CENPP: variants seen among roughly 807,000 people sequenced by gnomAD.
The protein encoded by CENPP is centromere protein P.
Under a neutral mutation model 35.6 loss-of-function variants are expected in CENPP, and 24 were observed. The observed-to-expected ratio is 0.67, with a 90% CI of 0.49 to 0.95. CENPP has a LOEUF of 0.95. CENPP is among the 40% of genes least tolerant of loss of function. The pLI is 0.00. For synonymous variants in CENPP, 120 were observed against 125.5 expected, an observed-to-expected ratio of 0.96 and a Z score of 0.29; for missense variants, 332 against 345.3, an observed-to-expected ratio of 0.96 and a Z score of 0.31.
chr9:92,455,593 C>T (rs1844850023), intron 5 of CENPP, among the ~76,000 whole-genome samples: 1 of 152,060 alleles, frequency 6.6e-6, no homozygotes, highest in Admixed American at 6.6e-5. Context: ...CCATTCTTAA[C>T]CTCGAAATCC....
At chr9:92,479,746 GTTGC>G (rs544121863) in intron 5 of CENPP, among the ~76,000 whole-genome samples, 116 of 152,262 alleles carry the variant, frequency 7.6e-4, no homozygotes, top group African/African-American at 2.8e-3. Context: ...GTGTATCCTG[GTTGC>G]TTGCAAAGAA....
At chr9:92,407,065 A>G (rs1299716841) in intron 5 of CENPP, among the ~76,000 whole-genome samples, 1 of 152,218 alleles carries the variant, frequency 6.6e-6, no homozygotes, top group East Asian at 1.9e-4. Flanking sequence ...GGCAGTGTCT[A>G]GAAGGCTCCA....
chr9:92,552,190 T>TATATGTGATATGATAGATCTATCATATAC (rs149273612), intron 5 of CENPP, among the ~76,000 whole-genome samples: 5 of 106,436 alleles, frequency 4.7e-5, no homozygotes, highest in African/African-American at 2.0e-4. Context: ...ATCTATCATA[T>TATATGTGATATGATAGATCTATCATATAC]ACACACACAC....
chr9:92,389,730 G>A (rs1842590597), intron 5 of CENPP: 2 of 641,388 alleles, frequency 3.1e-6, no homozygotes, highest in Admixed American at 3.2e-5. Flanking sequence ...TGTAAATAAT[G>A]TCTTCATTTA....
At chr9:92,579,616 G>C (rs938096023) in intron 5 of CENPP, among the ~76,000 whole-genome samples, 1 of 151,258 alleles carries the variant, frequency 6.6e-6, no homozygotes, top group Non-Finnish European at 1.5e-5. Flanking sequence ...TGTTATTGGT[G>C]TATAAGAATG....
chr9:92,575,655 T>C (rs554538220), intron 5 of CENPP, among the ~76,000 whole-genome samples: 2 of 152,190 alleles, frequency 1.3e-5, no homozygotes, highest in African/African-American at 4.8e-5. Flanking sequence ...CTACTGAAAG[T>C]ACAAAAATTA....
intron 5 of CENPP, among the ~76,000 whole-genome samples, chr9:92,544,983 C>A (rs1849400519): frequency 6.6e-6 from 1 of 152,182 alleles, no homozygotes; most frequent in Non-Finnish European, 1.5e-5. Context: ...CAGCCCGCTC[C>A]AGAGTGCTGG....
chr9:92,551,948 TATATG>T lies in CENPP; in HGVS notation c.565-59361_565-59357del, dbSNP rs1172068973. 3.1e-3 allele frequency among the ~76,000 whole-genome samples: 392 copies of T among 127,674 alleles called. 52 individuals are homozygous for T. The highest frequency in any genetic ancestry group is 0.012 in the African/African-American group (328 of 28,364). The allele number at this position is 127,674 out of a possible 152,430, so 83.8% of individuals were successfully genotyped here. A position where few individuals can be genotyped will look rare whatever the true frequency, so the allele number is the denominator to read the frequency against. ...GTGTATATATATATATATATATATA[TATATG>T]ATATATATATGTGTGATATATATGT... On this transcript the variant is annotated intron_variant, in intron 5 of 7. Transcript: ENST00000375587.
chr9:92,496,470 C>G, intron 5 of CENPP: 1 of 1,609,152 alleles, frequency 6.2e-7, no homozygotes, highest in Non-Finnish European at 8.5e-7. Flanking sequence ...CAAATTTCTT[C>G]TGGAAGAATG....
intron 2 of CENPP, among the ~76,000 whole-genome samples, chr9:92,334,699 G>T (rs1461715459): frequency 6.6e-6 from 1 of 151,996 alleles, no homozygotes; most frequent in African/African-American, 2.4e-5. Context: ...GGCTAACATG[G>T]TAAAACCCCA....
Position 92,456,993 on chromosome 9 carries a change from G to A in CENPP, c.564+77134G>A, listed in dbSNP as rs190218000. The A allele has an allele frequency of 7.4e-4, 836 of 1,124,846 alleles. 5 individuals are homozygous for A. In the African/African-American group the frequency reaches 0.012, roughly 16 times the overall value. The allele number at this position is 1,124,846 out of a possible 1,614,324, so 69.7% of individuals were successfully genotyped here. ...GCTTGATAACAAAGTGTTAAATACC[G>A]AATATCTTACTTTTTTGTTATGAAG... On this transcript the variant is annotated intron_variant, in intron 5 of 7. Coordinates refer to ENST00000375587, the MANE Select transcript of CENPP (RefSeq NM_001012267.3).
At chr9:92,472,462 A>G (rs531728796) in intron 5 of CENPP, among the ~76,000 whole-genome samples, 1 of 152,182 alleles carries the variant, frequency 6.6e-6, no homozygotes, top group African/African-American at 2.4e-5. Context: ...GATCAAGACC[A>G]TCCTGGCCAA....
chr9:92,472,345 A>G (rs903400614), intron 5 of CENPP, among the ~76,000 whole-genome samples: 2 of 150,636 alleles, frequency 1.3e-5, no homozygotes, highest in African/African-American at 4.9e-5. Context: ...TGACAGAGTG[A>G]GACTCTGTCT....
At chr9:92,368,066 TG>T (rs1163932688) in intron 4 of CENPP, among the ~76,000 whole-genome samples, 1 of 152,236 alleles carries the variant, frequency 6.6e-6, no homozygotes, top group Non-Finnish European at 1.5e-5. Context: ...TGGCATGTCA[TG>T]TTTTTTACTG....
At chr9:92,526,070 G>A (rs4744137) in intron 5 of CENPP, among the ~76,000 whole-genome samples, 57,627 of 151,850 alleles carry the variant, frequency 0.38, 13,653 homozygotes, top group African/African-American at 0.67. Context: ...AGCCTGAGGT[G>A]GTTCCTTCAG....
chr9:92,496,528 A>G (rs1314243481), intron 5 of CENPP: 9 of 1,582,786 alleles, frequency 5.7e-6, no homozygotes, highest in Non-Finnish European at 7.7e-6. Flanking sequence ...CCCAGTAATA[A>G]TCTGCCTTTA....
intron 5 of CENPP, among the ~76,000 whole-genome samples, chr9:92,597,162 A>T (rs907695654): frequency 1.3e-5 from 2 of 152,174 alleles, no homozygotes; most frequent in Non-Finnish European, 2.9e-5. Flanking sequence ...CTAGTTGTGT[A>T]ATCTTAAGCA....
chr9:92,523,159 C>T (rs965735815), intron 5 of CENPP, among the ~76,000 whole-genome samples: 2 of 152,034 alleles, frequency 1.3e-5, no homozygotes, highest in Non-Finnish European at 2.9e-5. Context: ...TGACTCACTG[C>T]AGCCTTGAAC....
intron 5 of CENPP, chr9:92,460,681 CTT>C (rs1564333070): frequency 6.5e-6 from 4 of 618,270 alleles, no homozygotes; most frequent in Admixed American, 6.0e-5. Context: ...GGCACTAACT[CTT>C]TTTTTTCTTT....
Sources: allele counts gnomAD v4.1 joint callset (sites outside exome capture counted in the v4.1 genomes callset), GRCh38; gene constraint gnomAD v4.1.1; transcripts MANE v1.5; gene names NCBI Gene and HGNC (gene_info 2026-07-23, HGNC 2026-07-21).